TRAF3IP1: variants seen among roughly 807,000 people sequenced by gnomAD.
The protein encoded by TRAF3IP1 is TRAF3-interacting protein 1.
TRAF3IP1 carries 53 observed loss-of-function variants against 89.9 expected under a neutral mutation model. That is an observed-to-expected ratio of 0.59 (90% CI 0.47 to 0.74). TRAF3IP1 has a LOEUF of 0.74. Among genes scored for constraint, TRAF3IP1 ranks in the 30% least tolerant of loss-of-function variants. The pLI, the probability that TRAF3IP1 is intolerant of heterozygous loss-of-function variation, is 0.00. For missense variants in TRAF3IP1, 806 were observed against 866.1 expected, an observed-to-expected ratio of 0.93 and a Z score of 0.87; for synonymous variants, 311 against 322.1, an observed-to-expected ratio of 0.97 and a Z score of 0.37.
At position 238,347,125 on chromosome 2, in the gene TRAF3IP1, A is replaced by G. The variant is rs4663879; in HGVS notation, c.1262-330A>G. 272,433 of 273,158 alleles carry G rather than the reference A, an allele frequency of 1. 135,856 individuals are homozygous for G. Among genetic ancestry groups the G allele is most frequent in the East Asian group, 1 (11,420 of 11,420 alleles). The allele number at this position is 273,158 out of a possible 1,614,324, so 16.9% of individuals were successfully genotyped here. A position where few individuals can be genotyped will look rare whatever the true frequency, so the allele number is the denominator to read the frequency against. ...GCATCGTTCCCTCACATTTGGATGC[A>G]CTTTTTCTGTGGCTCTGGCTTTGTC... On this transcript the variant is annotated intron_variant, in intron 9 of 16. Coordinates refer to ENST00000373327, the MANE Select transcript of TRAF3IP1 (RefSeq NM_015650.4).
In TRAF3IP1 at chr2:238,360,856, G is replaced by A. The variant is rs539598362; in HGVS notation, c.1689+4776G>A. On this transcript the variant is annotated intron_variant, in intron 15 of 16. Transcript: ENST00000373327. ...GATTGCGCCACTGCACTCCAGCCTGGGGGACAAAGTGAGATTCCGTCTCAA... is the reference window on the plus strand; with the variant it reads ...GATTGCGCCACTGCACTCCAGCCTGAGGGACAAAGTGAGATTCCGTCTCAA... 3.6e-3 allele frequency among the ~76,000 whole-genome samples: 545 copies of A among 152,068 alleles called. 3 individuals carry two copies. Among genetic ancestry groups the A allele is most frequent in the African/African-American group, 0.013 (521 of 41,484 alleles).
chr2:238,320,641 C>A lies in TRAF3IP1; in HGVS notation c.-22C>A. 1 of 1,318,326 alleles carries A rather than the reference C, an allele frequency of 7.6e-7. No homozygotes were observed. Among genetic ancestry groups the A allele is most frequent in the South Asian group, 1.8e-5 (1 of 56,698 alleles). The allele number at this position is 1,318,326 out of a possible 1,614,324, so 81.7% of individuals were successfully genotyped here. On this transcript the variant is annotated 5_prime_UTR_variant, in exon 1 of 17. Coordinates refer to ENST00000373327, the MANE Select transcript of TRAF3IP1 (RefSeq NM_015650.4). ...CAGGCCGGCTGAGGGGCGCGGGCGG[C>A]CAGCGGGCGGCGGACGCCGTCATGA...
Position 238,399,973 on chromosome 2 carries a change from G to T in TRAF3IP1, c.*1054G>T, listed in dbSNP as rs545829038. On this transcript the variant is annotated 3_prime_UTR_variant, in exon 17 of 17. Transcript: ENST00000373327. ...GTTACTGTATAAAACATTTCATTGT[G>T]TTTGAAGACATACTTATGGGTCTTG... 6.6e-6 allele frequency: 1 copy of T among 152,020 alleles called. No homozygotes were observed. The highest frequency in any genetic ancestry group is 6.6e-5 in the Admixed American group (1 of 15,260). The allele number at this position is 152,020 out of a possible 1,614,324, so 9.4% of individuals were successfully genotyped here.
intron 15 of TRAF3IP1, among the ~76,000 whole-genome samples, chr2:238,366,207 G>C (rs1419750310): frequency 1.3e-5 from 2 of 152,172 alleles, no homozygotes; most frequent in Non-Finnish European, 2.9e-5. Context: ...CTGCACTCCA[G>C]CCTGGGCGAC....
Position 238,325,794 on chromosome 2 carries a change from A to C in TRAF3IP1, c.193-15A>C. On this transcript the variant is annotated splice_polypyrimidine_tract_variant and intron_variant, in intron 2 of 16. Coordinates refer to ENST00000373327, the MANE Select transcript of TRAF3IP1 (RefSeq NM_015650.4). ...AAGTATTGTAATATTTGTATTTTCAATGGAAATGTTTCAGGATAAAGATGC... is the reference window on the plus strand; with the variant it reads ...AAGTATTGTAATATTTGTATTTTCACTGGAAATGTTTCAGGATAAAGATGC... The C allele has an allele frequency of 6.2e-7, 1 of 1,606,988 alleles. No homozygotes were observed. Among genetic ancestry groups the C allele is most frequent in the Non-Finnish European group, 8.5e-7 (1 of 1,176,062 alleles).
chr2:238,359,339 C>T (rs2106335574), intron 15 of TRAF3IP1, among the ~76,000 whole-genome samples: 1 of 152,336 alleles, frequency 6.6e-6, no homozygotes, highest in East Asian at 1.9e-4. Flanking sequence ...TGAGCCCATC[C>T]TCCAGCCCAT....
intron 12 of TRAF3IP1, among the ~76,000 whole-genome samples, chr2:238,352,606 G>T (rs1415359173): frequency 6.6e-6 from 1 of 152,074 alleles, no homozygotes; most frequent in Non-Finnish European, 1.5e-5. Context: ...AAGCTGGGTG[G>T]GGGTGGAGGG....
intron 15 of TRAF3IP1, among the ~76,000 whole-genome samples, chr2:238,382,296 A>G (rs1054347709): frequency 6.6e-6 from 1 of 152,176 alleles, no homozygotes; most frequent in African/African-American, 2.4e-5. Flanking sequence ...AAGTACCAAT[A>G]TGATACTGAG....
At chr2:238,394,917 T>C (rs181534811) in intron 15 of TRAF3IP1, among the ~76,000 whole-genome samples, 1 of 152,352 alleles carries the variant, frequency 6.6e-6, no homozygotes, top group East Asian at 1.9e-4. Context: ...GCAGAAGTAA[T>C]GCAAGTGAAT....
intron 15 of TRAF3IP1, among the ~76,000 whole-genome samples, chr2:238,396,143 C>T (rs1015680864): frequency 7.0e-4 from 106 of 151,894 alleles, no homozygotes; most frequent in African/African-American, 2.4e-3. Context: ...TGTCCAACAA[C>T]GATAGACTGG....
intron 7 of TRAF3IP1, among the ~76,000 whole-genome samples, chr2:238,337,196 T>C (rs1339522473): frequency 6.6e-6 from 1 of 152,144 alleles, no homozygotes. Flanking sequence ...GGGGTACATA[T>C]GTGCATGTTA....
At chr2:238,326,080 T>A in intron 3 of TRAF3IP1, 110 bp downstream of exon 3, 1 of 1,041,704 alleles carries the variant, frequency 9.6e-7, no homozygotes, top group Non-Finnish European at 1.4e-6. Context: ...TTCAGTGGTG[T>A]CTGTCAAACA....
In TRAF3IP1 at chr2:238,343,186, A is replaced by G. The variant is rs185093428; in HGVS notation, c.1160-1311A>G. Among the ~76,000 whole-genome samples the G allele has an allele frequency of 3.9e-4, 59 of 152,102 alleles. No individual in the cohort carries two copies. The East Asian group carries it at 8.7e-3, about 22-fold the overall frequency. On this transcript the variant is annotated intron_variant, in intron 8 of 16. Coordinates refer to ENST00000373327, the MANE Select transcript of TRAF3IP1 (RefSeq NM_015650.4). Reference sequence around the variant, plus strand: ...CTGCAACCTCTGCTTCCCGGGTCCAAGAGATTCTCCTGCCTTAGCCTCCCG... The same window carrying G: ...CTGCAACCTCTGCTTCCCGGGTCCAGGAGATTCTCCTGCCTTAGCCTCCCG...
chr2:238,327,565 C>A (rs1192016628), intron 3 of TRAF3IP1, among the ~76,000 whole-genome samples: 5 of 152,126 alleles, frequency 3.3e-5, no homozygotes, highest in Non-Finnish European at 7.3e-5. Context: ...GTTTTTTACC[C>A]ATAATTTTAT....
At chr2:238,323,937 T>G (rs1697685447) in intron 1 of TRAF3IP1, among the ~76,000 whole-genome samples, 1 of 152,154 alleles carries the variant, frequency 6.6e-6, no homozygotes, top group Non-Finnish European at 1.5e-5. Flanking sequence ...AAGGGATGAT[T>G]AGGGAGAGAA....
intron 15 of TRAF3IP1, among the ~76,000 whole-genome samples, chr2:238,384,422 G>A (rs1298444407): frequency 1.3e-5 from 2 of 151,752 alleles, no homozygotes; most frequent in Non-Finnish European, 2.9e-5. Context: ...GGCCAGGCTG[G>A]GGTGCAGTGG....
At chr2:238,349,207 C>G in intron 11 of TRAF3IP1, 118 bp from the exon 12 acceptor site, 2 of 973,010 alleles carry the variant, frequency 2.1e-6, no homozygotes, top group Non-Finnish European at 3.1e-6. Flanking sequence ...CGTGTCCTAA[C>G]CAGCACATTG....
Position 238,348,821 on chromosome 2 carries a change from T to C in TRAF3IP1, c.1340T>C (p.Ile447Thr), listed in dbSNP as rs767281516. 6.2e-7 allele frequency: 1 copy of C among 1,614,138 alleles called. No individual in the cohort carries two copies. Among genetic ancestry groups the C allele is most frequent in the Admixed American group, 1.7e-5 (1 of 60,014 alleles). The stretch of plus-strand genomic sequence containing the variant: ...TCTGAGGTGCCAGAGACTCCAGAAA[T>C]TCCTAATGAGCTTTCATCCAACATC... Reference protein sequence around the residue: ...DKSEVPETPEIPNELSSNIRR... With the variant: ...DKSEVPETPETPNELSSNIRR... The change falls in exon 11 of 17, where the codon ATT (isoleucine) becomes ACT (threonine). Residue 447 changes from isoleucine (I) to threonine (T), a missense_variant. By Grantham distance (89) the Ile-to-Thr change is moderately conservative. This residue lies in a region of TRAF3IP1 where 732 missense variants were observed against 780.5 expected (regional missense o/e 0.94). Transcript: ENST00000373327.
chr2:238,346,171 C>T (rs998225806), intron 9 of TRAF3IP1, among the ~76,000 whole-genome samples: 11 of 152,108 alleles, frequency 7.2e-5, no homozygotes, highest in Non-Finnish European at 1.5e-4. Context: ...CGCTCCAGGC[C>T]GCACAGCCAT....
Sources: gnomAD v4.1 joint callset for allele counts (sites outside exome capture counted in the v4.1 genomes callset) on GRCh38, gnomAD v4.1.1 for gene constraint, gnomAD v4.1.1 regional missense constraint, MANE v1.5 for transcripts, NCBI Gene and HGNC (gene_info 2026-07-23, HGNC 2026-07-21) for gene names.